Variants in ZRANB3 observed in about 807,000 individuals in gnomAD.
ZRANB3 encodes DNA annealing helicase and endonuclease ZRANB3.
In ZRANB3, 125 loss-of-function variants were observed where a neutral mutation model predicts 133.8. That is an observed-to-expected ratio of 0.93 (90% CI 0.81 to 1.08). The LOEUF (loss-of-function observed/expected upper bound fraction) is 1.08. ZRANB3 is among the 50% of genes least tolerant of loss of function. The pLI is 0.00. For synonymous variants in ZRANB3, 387 were observed against 432.7 expected (o/e 0.89, Z 1.31); for missense variants, 1,229 against 1,275.5 (o/e 0.96, Z 0.56).
chr2:135,521,129 G>A (rs1376523722), intron 1 of ZRANB3, among the ~76,000 whole-genome samples: 5 of 152,148 alleles, frequency 3.3e-5, no homozygotes, highest in African/African-American at 4.8e-5. Context: ...TAACTTACAC[G>A]AGGTTTAAAA....
chr2:135,288,360 T>A (rs1427533330), intron 8 of ZRANB3, among the ~76,000 whole-genome samples: 1 of 152,224 alleles, frequency 6.6e-6, no homozygotes, highest in African/African-American at 2.4e-5. Context: ...GATTTTTGCA[T>A]CTGTGTTCAT....
At chr2:135,481,083 A>T (rs1691778426) in intron 2 of ZRANB3, among the ~76,000 whole-genome samples, 1 of 152,070 alleles carries the variant, frequency 6.6e-6, no homozygotes, top group Admixed American at 6.6e-5. Context: ...ATACGTGAGC[A>T]TGTGTCTTTA....
intron 2 of ZRANB3, among the ~76,000 whole-genome samples, chr2:135,400,867 G>A (rs1367009134): frequency 2.0e-5 from 3 of 152,168 alleles, no homozygotes; most frequent in Non-Finnish European, 4.4e-5. Flanking sequence ...TGGTGGGCCT[G>A]GTTTGGCCTA....
chr2:135,237,064 A>C (rs1465036802), intron 12 of ZRANB3, among the ~76,000 whole-genome samples: 1 of 152,196 alleles, frequency 6.6e-6, no homozygotes, highest in Non-Finnish European at 1.5e-5. Context: ...TAATATCCAG[A>C]ATCTACAATT....
chr2:135,420,855 GATAC>G (rs1688816531), intron 2 of ZRANB3, among the ~76,000 whole-genome samples: 1 of 152,098 alleles, frequency 6.6e-6, no homozygotes, highest in African/African-American at 2.4e-5. Flanking sequence ...TTTTAGGCTA[GATAC>G]ATATTGTTCA....
At chr2:135,466,680 A>AT (rs34605710) in intron 2 of ZRANB3, among the ~76,000 whole-genome samples, 9,027 of 142,776 alleles carry the variant, frequency 0.063, 595 homozygotes, top group East Asian at 0.37. Flanking sequence ...ATTTGTGTTG[A>AT]TTTTTTTTTT....
At chr2:135,207,118 T>C (rs373179814) in intron 19 of ZRANB3, among the ~76,000 whole-genome samples, 2 of 151,758 alleles carry the variant, frequency 1.3e-5, no homozygotes, top group Non-Finnish European at 2.9e-5. Flanking sequence ...TGAGTTGAGA[T>C]TGCGCCACTG....
intron 10 of ZRANB3, among the ~76,000 whole-genome samples, chr2:135,270,662 A>G (rs1280848187): frequency 6.6e-6 from 1 of 152,168 alleles, no homozygotes; most frequent in African/African-American, 2.4e-5. Context: ...TGAGGGAAGC[A>G]TTGAGACAAC....
chr2:135,403,786 C>T (rs1687862782), intron 2 of ZRANB3, among the ~76,000 whole-genome samples: 1 of 152,190 alleles, frequency 6.6e-6, no homozygotes, highest in South Asian at 2.1e-4. Context: ...GCAACATTTG[C>T]TGTTCACCAA....
intron 2 of ZRANB3, among the ~76,000 whole-genome samples, chr2:135,471,344 A>G (rs983428345): frequency 6.6e-6 from 1 of 152,088 alleles, no homozygotes; most frequent in Non-Finnish European, 1.5e-5. Context: ...ACACAAGCCA[A>G]CACTTCAGCA....
chr2:135,479,836 G>C (rs1227527272), intron 2 of ZRANB3, among the ~76,000 whole-genome samples: 1 of 151,878 alleles, frequency 6.6e-6, no homozygotes, highest in Non-Finnish European at 1.5e-5. Flanking sequence ...GCCAAGATAC[G>C]GTTTCTCATA....
intron 8 of ZRANB3, among the ~76,000 whole-genome samples, chr2:135,294,719 C>A (rs1351677242): frequency 1.3e-5 from 2 of 152,008 alleles, no homozygotes; most frequent in Non-Finnish European, 2.9e-5. Context: ...TTCCTGCTTT[C>A]TCTTGTGGGC....
chr2:135,283,944 T>A (rs973882545), intron 8 of ZRANB3, among the ~76,000 whole-genome samples: 6 of 152,152 alleles, frequency 3.9e-5, no homozygotes, highest in African/African-American at 1.4e-4. Context: ...ATCACACCAC[T>A]GCACTCCAGC....
intron 8 of ZRANB3, among the ~76,000 whole-genome samples, chr2:135,298,780 C>T (rs1295228520): frequency 6.6e-6 from 1 of 152,194 alleles, no homozygotes; most frequent in Admixed American, 6.5e-5. Flanking sequence ...GTTTAGTGCA[C>T]TGGTTTTCTT....
chr2:135,478,848 T>C (rs1691623839), intron 2 of ZRANB3, among the ~76,000 whole-genome samples: 1 of 151,854 alleles, frequency 6.6e-6, no homozygotes, highest in Non-Finnish European at 1.5e-5. Flanking sequence ...TATATGTTTA[T>C]ATGTACTTAA....
Position 135,265,674 on chromosome 2 carries a change from C to T in ZRANB3, c.1399G>A (p.Gly467Arg), listed in dbSNP as rs1380050061. 1 of 1,612,734 alleles carries T rather than the reference C, an allele frequency of 6.2e-7. No homozygotes were observed. The highest frequency in any genetic ancestry group is 8.5e-7 in the Non-Finnish European group (1 of 1,179,486). Residue 467 changes from glycine to arginine, a missense_variant, in exon 12 of 21, where the codon GGG becomes AGG. Physicochemically the swap from Gly to Arg is moderately radical, Grantham distance 125 (BLOSUM62 -2). Coordinates refer to ENST00000264159, the MANE Select transcript of ZRANB3 (RefSeq NM_032143.4). ...GMLNRKAQVT[G>R]STLNGRKEKI... The stretch of plus-strand genomic sequence containing the variant: ...TCTTTCCTACCGTTCAGTGTGCTCC[C>T]TGTAACTTGAGCCTACAAGAGGAAA...
chr2:135,524,158 G>T (rs958183220), intron 1 of ZRANB3, among the ~76,000 whole-genome samples: 11 of 151,930 alleles, frequency 7.2e-5, no homozygotes, highest in African/African-American at 2.7e-4. Context: ...ACAATCTCGG[G>T]TCACTGCAAC....
chr2:135,240,722 G>C (rs748795334), intron 12 of ZRANB3, among the ~76,000 whole-genome samples: 4 of 152,170 alleles, frequency 2.6e-5, no homozygotes, highest in Admixed American at 2.0e-4. Context: ...GGGACTGCAG[G>C]AGCATGCCAC....
intron 11 of ZRANB3, 126 bp downstream of exon 11, chr2:135,268,836 T>C (rs1680371327): frequency 2.3e-6 from 2 of 885,372 alleles, no homozygotes; most frequent in Non-Finnish European, 3.4e-6. Flanking sequence ...TGGTCTCTAT[T>C]ATCATCATTA....
Sources: allele counts gnomAD v4.1 joint callset (sites outside exome capture counted in the v4.1 genomes callset), GRCh38; gene constraint gnomAD v4.1.1; transcripts MANE v1.5; gene names NCBI Gene and HGNC (gene_info 2026-07-23, HGNC 2026-07-21).